EIF2D: variants seen among roughly 807,000 people sequenced by gnomAD.
The protein encoded by EIF2D is eukaryotic translation initiation factor 2D, also known as hepatocellular carcinoma-associated antigen 56.
EIF2D carries 56 observed loss-of-function variants against 77.4 expected under a neutral mutation model. The observed-to-expected ratio is 0.72, with a 90% confidence interval of 0.58 to 0.90. The LOEUF (loss-of-function observed/expected upper bound fraction) is 0.90. Among genes scored for constraint, EIF2D ranks in the 40% least tolerant of loss-of-function variants. The probability of loss-of-function intolerance (pLI) is 0.00; values close to 1 mark genes in which losing one functional copy is unlikely to be tolerated. For synonymous variants in EIF2D, 230 were observed against 271.0 expected (o/e 0.85, Z 1.49); for missense variants, 574 against 706.5 (o/e 0.81, Z 2.13).
chr1:206,597,273 T>C, intron 11 of EIF2D, 78 bp from the exon 12 acceptor site: 1 of 1,059,806 alleles, frequency 9.4e-7, no homozygotes, highest in South Asian at 1.3e-5. Flanking sequence ...GATTCATCTC[T>C]CGTACGGCCT....
chr1:206,611,238 C>G lies in EIF2D; in HGVS notation c.193G>C (p.Val65Leu), dbSNP rs782532326. ...AAGAGGATGGGGTTACCACCACTCA[C>G]GTACACAGTCACTGCATCCCCTTTG... is the stretch of plus-strand genomic sequence containing the variant. ...AHKGDAVTVY[V>L]SGGNPILFEL... The change falls in exon 2 of 15, where the codon GTG becomes CTG. Residue 65 changes from valine to leucine, a missense_variant. Coordinates refer to ENST00000271764, the MANE Select transcript of EIF2D (RefSeq NM_006893.3). 4 of 1,614,184 alleles carry G rather than the reference C, an allele frequency of 2.5e-6. No individual in the cohort carries two copies. Among genetic ancestry groups the G allele is most frequent in the South Asian group, 1.1e-5 (1 of 91,074 alleles).
chr1:206,611,430 T>C (rs559721181), intron 1 of EIF2D, 56 bp from the exon 2 acceptor site: 57 of 1,488,036 alleles, frequency 3.8e-5, no homozygotes, highest in African/African-American at 2.5e-4. Flanking sequence ...TTAATAAATA[T>C]CAAGAACGAA....
chr1:206,585,095 T>C, intron 2 of EIF2D: 1 of 954,620 alleles, frequency 1.0e-6, no homozygotes. Context: ...GTACCCCACC[T>C]CTGCATTTCC....
rs1553407114 is a variant in EIF2D, at chr1:206,584,519, G to A, written c.139-3357C>T. 6 of 1,614,114 alleles carry A rather than the reference G, an allele frequency of 3.7e-6. No individual in the cohort carries two copies. The African/African-American group carries it at 6.7e-5, about 18-fold the overall frequency. The stretch of plus-strand genomic sequence containing the variant: ...GGAGGTGAACCTGGCGGCTACCACG[G>A]ACAAGCGGACATCCTTCTACCTGCC... On this transcript the variant is annotated intron_variant and NMD_transcript_variant, in intron 2 of 5. Transcript: ENST00000472709. The surrounding 1 kb of genome is among the most constrained non-coding windows in gnomAD (Gnocchi z 4.9).
chr1:206,609,937 A>G (rs782510509), intron 2 of EIF2D, among the ~76,000 whole-genome samples: 4 of 152,176 alleles, frequency 2.6e-5, no homozygotes, highest in African/African-American at 7.2e-5. Flanking sequence ...TGGCCTAAGG[A>G]TATTGCATTG....
chr1:206,603,273 G>C, intron 5 of EIF2D, 69 bp from the exon 6 acceptor site: 1 of 1,566,394 alleles, frequency 6.4e-7, no homozygotes, highest in Non-Finnish European at 8.7e-7. Flanking sequence ...CCACAGAGGA[G>C]TCAGCAGTGA....
chr1:206,612,100 C>T (rs1438883533), intron 1 of EIF2D, among the ~76,000 whole-genome samples, 187 bp downstream of exon 1: 9 of 152,172 alleles, frequency 5.9e-5, no homozygotes, highest in Non-Finnish European at 1.3e-4. Flanking sequence ...CAAAAGAGAG[C>T]CAGGTCCCCC....
chr1:206,593,738 G>A lies in EIF2D; in HGVS notation c.1565C>T (p.Ala522Val). 1 of 1,613,496 alleles carries A rather than the reference G, an allele frequency of 6.2e-7. No homozygotes were observed. Among genetic ancestry groups the A allele is most frequent in the Middle Eastern group, 1.7e-4 (1 of 5,942 alleles). ...AGCCTGGCATCGCTGCTGAAGGATG[G>A]CAGCCACTGAGTATGGGTCCAGACC... ...AYGLDPYSVAAILQQRCQAST... is the reference protein window; with the variant it reads ...AYGLDPYSVAVILQQRCQAST... The change falls in exon 14 of 15, where the codon GCC (alanine) becomes GTC (valine). Residue 522 changes from alanine (A) to valine (V), a missense_variant. Ala to Val is a moderately conservative substitution (Grantham distance 64). Transcript: ENST00000271764.
At chr1:206,586,727 A>G, downstream of EIF2D, 1 of 908,634 alleles carries the variant, frequency 1.1e-6, no homozygotes, top group Non-Finnish European at 1.7e-6. Flanking sequence ...CACGGATGTG[A>G]ACTGGGAAGG....
chr1:206,575,398 C>T (rs782004698), intron 4 of EIF2D, among the ~76,000 whole-genome samples: 1 of 152,104 alleles, frequency 6.6e-6, no homozygotes, highest in Non-Finnish European at 1.5e-5. Flanking sequence ...GAATGGCTTC[C>T]GGGGTATTTT....
chr1:206,589,361 A>G (rs1553408535), downstream of EIF2D: 1 of 152,746 alleles, frequency 6.5e-6, no homozygotes, highest in Non-Finnish European at 1.5e-5. Flanking sequence ...ACATGATCAC[A>G]TGCTTCCTGG....
chr1:206,599,668 C>T lies in EIF2D; in HGVS notation c.1053-56G>A. On this transcript the variant is annotated intron_variant, in intron 9 of 14. Coordinates refer to ENST00000271764, the MANE Select transcript of EIF2D (RefSeq NM_006893.3). This position sits in a 1 kb window ranked among gnomAD's most constrained non-coding sequence, Gnocchi z 4.1. ...CATTTTATACTAGCATCTCAGCAAT[C>T]CCCAGTCCGTGGCCCAGGTGCCCTG... 6.2e-7 allele frequency: 1 copy of T among 1,611,758 alleles called. No homozygotes were observed. The highest frequency in any genetic ancestry group is 1.7e-5 in the Admixed American group (1 of 59,540).
downstream of EIF2D, among the ~76,000 whole-genome samples, chr1:206,570,257 A>G (rs1668407208): frequency 6.6e-6 from 1 of 151,558 alleles, no homozygotes; most frequent in South Asian, 2.1e-4. Flanking sequence ...ACGCTTGGCT[A>G]ATTTTTTTGT....
At position 206,599,275 on chromosome 1, in the gene EIF2D, G is replaced by A. The variant is rs1316158862; in HGVS notation, c.1203-183C>T. Among the ~76,000 whole-genome samples, 1 of 152,212 alleles carries A rather than the reference G, an allele frequency of 6.6e-6. No homozygotes were observed. The highest frequency in any genetic ancestry group is 1.5e-5 in the Non-Finnish European group (1 of 68,040). On this transcript the variant is annotated intron_variant, in intron 10 of 14. Coordinates refer to ENST00000271764, the MANE Select transcript of EIF2D (RefSeq NM_006893.3). This position sits in a 1 kb window ranked among gnomAD's most constrained non-coding sequence, Gnocchi z 4.1. ...AGAATAATTACACGCAGAAAAGGGT[G>A]AGACCTACTCGTTCATTTAGTCCAG...
chr1:206,603,330 G>A, intron 5 of EIF2D, 126 bp from the exon 6 acceptor site: 1 of 1,317,192 alleles, frequency 7.6e-7, no homozygotes, highest in Admixed American at 2.5e-5. Flanking sequence ...CCAGGAGGGG[G>A]CAGAGAGCCT....
chr1:206,612,056 T>C (rs1391901457), intron 1 of EIF2D, among the ~76,000 whole-genome samples: 1 of 152,224 alleles, frequency 6.6e-6, no homozygotes, highest in Non-Finnish European at 1.5e-5. Flanking sequence ...AACTCTGACT[T>C]AACTACGTTT....
chr1:206,600,293 T>C lies in EIF2D; in HGVS notation c.918A>G (p.Gln306=). Residue 306 remains glutamine, a synonymous_variant, in exon 8 of 15, where the codon CAA becomes CAG. Transcript: ENST00000271764. Reference sequence around the variant, plus strand: ...TGTAGCTTGACTTCTTTATGTCCAGTTGTCGTCCTTCGGGGCTGATGGCAG... The same window carrying C: ...TGTAGCTTGACTTCTTTATGTCCAGCTGTCGTCCTTCGGGGCTGATGGCAG... ...HMFSCCPEGR[Q]LDIKKSSYKK... 6.2e-7 allele frequency: 1 copy of C among 1,614,146 alleles called. No individual in the cohort carries two copies. The highest frequency in any genetic ancestry group is 8.5e-7 in the Non-Finnish European group (1 of 1,179,974).
At chr1:206,575,825 A>T (rs1273539393) in intron 4 of EIF2D, among the ~76,000 whole-genome samples, 4 of 152,226 alleles carry the variant, frequency 2.6e-5, no homozygotes, top group African/African-American at 4.8e-5. Flanking sequence ...ATTTGTTCTC[A>T]TCAGCTAGCT....
intron 4 of EIF2D, chr1:206,580,641 A>T (rs1430656647): frequency 6.6e-6 from 1 of 152,170 alleles, no homozygotes; most frequent in East Asian, 1.9e-4. Context: ...GGGTTAATGG[A>T]CTGACAGTGA....
Sources: allele counts gnomAD v4.1 joint callset (sites outside exome capture counted in the v4.1 genomes callset), GRCh38; gene constraint gnomAD v4.1.1; non-coding constraint Gnocchi (gnomAD v3.1); transcripts MANE v1.5; gene names NCBI Gene and HGNC (gene_info 2026-07-23, HGNC 2026-07-21).